CYP2J2: variants seen among roughly 807,000 people sequenced by gnomAD.
CYP2J2 encodes cytochrome P450 2J2.
CYP2J2 carries 41 observed loss-of-function variants against 48.8 expected under a neutral mutation model. That is an observed-to-expected ratio of 0.84 (90% CI 0.66 to 1.09). The LOEUF (loss-of-function observed/expected upper bound fraction) is 1.09, where lower values mean the gene tolerates loss of function less well. CYP2J2 is among the 50% of genes least tolerant of loss of function. The pLI is 0.00. For synonymous variants in CYP2J2, 221 were observed against 227.1 expected (o/e 0.97, Z 0.24); for missense variants, 644 against 617.3 (o/e 1.04, Z -0.46).
At chr1:59,928,834 A>C (rs549255987), upstream of CYP2J2, among the ~76,000 whole-genome samples, 5 of 152,328 alleles carry the variant, frequency 3.3e-5, no homozygotes, top group African/African-American at 9.6e-5. Context: ...TTCTATGAGA[A>C]CAAGAGGATA....
chr1:59,964,761 T>G, the CYP2J2 span, among the ~76,000 whole-genome samples: 2 of 152,250 alleles, frequency 1.3e-5, no homozygotes, highest in East Asian at 3.8e-4. Context: ...ACCTTTCAGA[T>G]TGTAAACTTT....
chr1:59,899,181 C>T (rs1240675440), intron 8 of CYP2J2, among the ~76,000 whole-genome samples: 1 of 152,000 alleles, frequency 6.6e-6, no homozygotes, highest in Non-Finnish European at 1.5e-5. Flanking sequence ...TGTGCAAGAG[C>T]CAAAGAACAG....
chr1:59,966,574 T>C, the CYP2J2 span, among the ~76,000 whole-genome samples: 2 of 152,158 alleles, frequency 1.3e-5, no homozygotes, highest in African/African-American at 4.8e-5. Context: ...TAATGCAACA[T>C]GAAATGTGCT....
At position 59,905,513 on chromosome 1, in the gene CYP2J2, T is replaced by C. The variant is rs1644357611; in HGVS notation, c.1004-455A>G. Among the ~76,000 whole-genome samples the C allele has an allele frequency of 2.0e-5, 3 of 152,164 alleles. No individual in the cohort carries two copies. The South Asian group carries it at 6.2e-4, about 32-fold the overall frequency. On this transcript the variant is annotated intron_variant, in intron 6 of 8. Coordinates refer to ENST00000371204, the MANE Select transcript of CYP2J2 (RefSeq NM_000775.4). ...GGTAATAAGGTTTCAACATATAAAT[T>C]TGGGCTGGGGTGGGCCCAAGTATTC...
At chr1:59,965,799 C>A in the CYP2J2 span, among the ~76,000 whole-genome samples, 46 of 152,102 alleles carry the variant, frequency 3.0e-4, 1 homozygote, top group Admixed American at 2.0e-4. Context: ...TTACAGGCAC[C>A]CCCCACCGTG....
chr1:59,952,120 T>C, the CYP2J2 span, among the ~76,000 whole-genome samples: 3 of 152,050 alleles, frequency 2.0e-5, no homozygotes, highest in African/African-American at 7.2e-5. Flanking sequence ...ATAGAGTGAA[T>C]GACAGAAGCA....
chr1:59,959,502 G>A, the CYP2J2 span, among the ~76,000 whole-genome samples: 3 of 151,870 alleles, frequency 2.0e-5, no homozygotes, highest in Non-Finnish European at 4.4e-5. Context: ...AAAATATGAA[G>A]CCAGCCCAAA....
chr1:59,921,874 T>G (rs1475840996), intron 1 of CYP2J2, among the ~76,000 whole-genome samples: 1 of 152,148 alleles, frequency 6.6e-6, no homozygotes, highest in Non-Finnish European at 1.5e-5. Flanking sequence ...CACACTATAT[T>G]GTAAATTCTT....
intron 8 of CYP2J2, among the ~76,000 whole-genome samples, chr1:59,897,869 A>G (rs546560064): frequency 6.6e-6 from 1 of 152,318 alleles, no homozygotes; most frequent in Admixed American, 6.5e-5. Context: ...ACTCTTTACC[A>G]AGAGTAAAGG....
the CYP2J2 span, among the ~76,000 whole-genome samples, chr1:59,945,705 C>T: frequency 1.6e-4 from 24 of 152,292 alleles, no homozygotes; most frequent in East Asian, 2.1e-3. Context: ...TAGCCAATTA[C>T]GAGAAAAGTC....
chr1:59,904,728 C>A, intron 7 of CYP2J2, 143 bp downstream of exon 7: 2 of 683,022 alleles, frequency 2.9e-6, no homozygotes, highest in East Asian at 2.9e-5. Flanking sequence ...GAAGACTACA[C>A]ATGGAGAAAA....
chr1:59,957,668 T>TCAGACACACA, the CYP2J2 span, among the ~76,000 whole-genome samples: 1 of 150,424 alleles, frequency 6.6e-6, no homozygotes, highest in African/African-American at 2.5e-5. Context: ...TGAGAAATAT[T>TCAGACACACA]CACAGACACA....
chr1:59,948,434 T>A, the CYP2J2 span, among the ~76,000 whole-genome samples: 1 of 152,204 alleles, frequency 6.6e-6, no homozygotes, highest in Non-Finnish European at 1.5e-5. Context: ...TAAACTTATT[T>A]AGGCATTTAT....
chr1:59,893,963 G>T, intron 8 of CYP2J2, 134 bp from the exon 9 acceptor site: 1 of 773,694 alleles, frequency 1.3e-6, no homozygotes, highest in African/African-American at 1.7e-5. Flanking sequence ...GTTATGGCCA[G>T]CAGCTTATTT....
At chr1:59,925,591 G>A (rs1470084470) in intron 1 of CYP2J2, among the ~76,000 whole-genome samples, 2 of 152,134 alleles carry the variant, frequency 1.3e-5, no homozygotes, top group Admixed American at 6.5e-5. Flanking sequence ...ACACAGGTTT[G>A]GGGGCTTAGT....
At chr1:59,911,843 A>C (rs1644418954) in intron 3 of CYP2J2, 75 bp from the exon 4 acceptor site, 1 of 1,452,126 alleles carries the variant, frequency 6.9e-7, no homozygotes, top group African/African-American at 1.4e-5. Context: ...TCTACTTTAC[A>C]TGGCATAAGA....
chr1:59,902,552 A>G (rs1401651131), intron 7 of CYP2J2, among the ~76,000 whole-genome samples: 2 of 151,958 alleles, frequency 1.3e-5, no homozygotes, highest in East Asian at 3.9e-4. Context: ...AGTAGCTAGG[A>G]TTACAGGTGC....
chr1:59,912,489 G>T, intron 2 of CYP2J2, 178 bp from the exon 3 acceptor site: 1 of 602,800 alleles, frequency 1.7e-6, no homozygotes, highest in South Asian at 2.4e-5. Flanking sequence ...CTGATTGCTT[G>T]CAATGGCAGG....
the CYP2J2 span, among the ~76,000 whole-genome samples, chr1:59,948,245 CT>C: frequency 6.6e-6 from 1 of 152,176 alleles, no homozygotes; most frequent in Non-Finnish European, 1.5e-5. Flanking sequence ...TGCATCCATT[CT>C]TTTCTCCCTC....
Sources: gnomAD v4.1 joint callset for allele counts (sites outside exome capture counted in the v4.1 genomes callset) on GRCh38, gnomAD v4.1.1 for gene constraint, MANE v1.5 for transcripts, NCBI Gene and HGNC (gene_info 2026-07-23, HGNC 2026-07-21) for gene names.